ZCCHC24: variants seen among roughly 807,000 people sequenced by gnomAD.
The protein encoded by ZCCHC24 is zinc finger CCHC-type containing 24.
Under a neutral mutation model 26.2 loss-of-function variants are expected in ZCCHC24, and 10 were observed. The observed-to-expected ratio is 0.38, with a 90% confidence interval of 0.24 to 0.65. The LOEUF (loss-of-function observed/expected upper bound fraction) is 0.65, where lower values mean the gene tolerates loss of function less well. ZCCHC24 is among the 30% of genes least tolerant of loss of function. ZCCHC24 has a pLI of 0.54. For synonymous variants in ZCCHC24, 144 were observed against 147.1 expected (o/e 0.98, Z 0.15); for missense variants, 243 against 329.1 (o/e 0.74, Z 2.03).
At chr10:79,413,818 T>C (rs1390597217) in intron 2 of ZCCHC24, among the ~76,000 whole-genome samples, 1 of 150,628 alleles carries the variant, frequency 6.6e-6, no homozygotes, top group African/African-American at 2.4e-5. Context: ...AGGGAGGTGC[T>C]TCGGATGTGA....
intron 2 of ZCCHC24, among the ~76,000 whole-genome samples, chr10:79,394,821 G>A (rs1057402502): frequency 6.6e-6 from 1 of 152,198 alleles, no homozygotes; most frequent in Non-Finnish European, 1.5e-5. Flanking sequence ...GCTTTAAAGG[G>A]TCATTGAAGA....
chr10:79,420,239 A>G (rs898995323), intron 2 of ZCCHC24, among the ~76,000 whole-genome samples: 1 of 152,088 alleles, frequency 6.6e-6, no homozygotes, highest in Non-Finnish European at 1.5e-5. Flanking sequence ...GAGTCCCCCC[A>G]GCACAACCTG....
intron 1 of ZCCHC24, among the ~76,000 whole-genome samples, chr10:79,438,763 A>G (rs2132224054): frequency 6.6e-6 from 1 of 152,194 alleles, no homozygotes. Context: ...GGAAAGGGGG[A>G]GCAGACAGTG....
At chr10:79,396,560 C>A (rs1856549626) in intron 2 of ZCCHC24, among the ~76,000 whole-genome samples, 1 of 152,222 alleles carries the variant, frequency 6.6e-6, no homozygotes, top group Non-Finnish European at 1.5e-5. Context: ...GGCTTAAATG[C>A]AGGCTCTCCA....
chr10:79,424,187 G>C (rs1187305138), intron 2 of ZCCHC24, among the ~76,000 whole-genome samples: 1 of 152,152 alleles, frequency 6.6e-6, no homozygotes, highest in East Asian at 1.9e-4. Context: ...TAGTTCCCTA[G>C]TTCCCACTGA....
Position 79,385,446 on chromosome 10 carries a change from G to A in ZCCHC24, c.*899C>T, listed in dbSNP as rs1249455867. ...GTCCTTGCCCAAGGTGACACAATGC[G>A]TCGGCAGCAGGGCAAAGACTTGAGC... is the stretch of plus-strand genomic sequence containing the variant. On this transcript the variant is annotated 3_prime_UTR_variant, in exon 4 of 4. Transcript: ENST00000372336. This position sits in a 1 kb window ranked among gnomAD's most constrained non-coding sequence, Gnocchi z 4.3. The A allele has an allele frequency of 6.6e-6, 1 of 152,238 alleles. No homozygotes were observed. The highest frequency in any genetic ancestry group is 2.4e-5 in the African/African-American group (1 of 41,458). The allele number at this position is 152,238 out of a possible 1,614,324, so 9.4% of individuals were successfully genotyped here. A position where few individuals can be genotyped will look rare whatever the true frequency, so the allele number is the denominator to read the frequency against.
intron 2 of ZCCHC24, among the ~76,000 whole-genome samples, chr10:79,396,458 A>G (rs1463889203): frequency 1.3e-5 from 2 of 152,216 alleles, no homozygotes; most frequent in Admixed American, 6.5e-5. Flanking sequence ...ATCAGCTTGC[A>G]TGCACGTGCT....
At chr10:79,390,391 A>G (rs1282120400) in intron 3 of ZCCHC24, among the ~76,000 whole-genome samples, 4 of 152,236 alleles carry the variant, frequency 2.6e-5, no homozygotes, top group African/African-American at 9.6e-5. Flanking sequence ...CATAGAGAGC[A>G]TTCAAAATGT....
intron 2 of ZCCHC24, among the ~76,000 whole-genome samples, chr10:79,395,255 A>G (rs561056502): frequency 1.3e-5 from 2 of 152,200 alleles, no homozygotes; most frequent in South Asian, 2.1e-4. Flanking sequence ...TTTTCCCTAC[A>G]TAACTACAAA....
chr10:79,435,505 A>G (rs1857203880), intron 1 of ZCCHC24, among the ~76,000 whole-genome samples: 1 of 152,154 alleles, frequency 6.6e-6, no homozygotes, highest in African/African-American at 2.4e-5. Flanking sequence ...AGGCAGCTCC[A>G]CAGTGAGAGA....
intron 2 of ZCCHC24, among the ~76,000 whole-genome samples, chr10:79,428,469 T>TAAATTTCAGTTTTGCAAGATAA (rs1857075279): frequency 2.9e-5 from 2 of 68,246 alleles, no homozygotes; most frequent in Admixed American, 2.4e-4. Context: ...TTTTGCAAGA[T>TAAATTTCAGTTTTGCAAGATAA]AAATTTCAGT....
At chr10:79,428,167 C>T (rs1443728841) in intron 2 of ZCCHC24, among the ~76,000 whole-genome samples, 2 of 152,130 alleles carry the variant, frequency 1.3e-5, no homozygotes, top group African/African-American at 4.8e-5. Flanking sequence ...TATATACATA[C>T]AATGGAATAT....
intron 2 of ZCCHC24, chr10:79,403,552 G>A (rs923298938): frequency 1.1e-4 from 110 of 985,320 alleles, no homozygotes; most frequent in Non-Finnish European, 1.3e-4. Flanking sequence ...GCTGGGCCGC[G>A]GCCTGCAGGA....
At chr10:79,429,290 G>T (rs1161442610) in intron 2 of ZCCHC24, among the ~76,000 whole-genome samples, 5 of 152,206 alleles carry the variant, frequency 3.3e-5, no homozygotes, top group African/African-American at 1.2e-4. Context: ...ATGATCAAGA[G>T]GTGACATCTG....
intron 2 of ZCCHC24, among the ~76,000 whole-genome samples, chr10:79,404,028 G>A (rs961474142): frequency 2.6e-5 from 4 of 152,086 alleles, no homozygotes; most frequent in African/African-American, 9.7e-5. Context: ...GCCCGTCAGA[G>A]CAGATAAGAG....
intron 2 of ZCCHC24, among the ~76,000 whole-genome samples, chr10:79,427,490 C>G (rs1656516472): frequency 6.6e-6 from 1 of 152,016 alleles, no homozygotes; most frequent in Non-Finnish European, 1.5e-5. Context: ...TATAAAATAT[C>G]TTCTATGACC....
intron 1 of ZCCHC24, 137 bp from the exon 2 acceptor site, chr10:79,432,895 A>G (rs981937322): frequency 3.6e-5 from 34 of 936,828 alleles, no homozygotes; most frequent in Non-Finnish European, 5.3e-5. Context: ...CCTGAGTTCA[A>G]ATCCTAACTA....
intron 2 of ZCCHC24, among the ~76,000 whole-genome samples, chr10:79,420,545 G>A (rs192543265): frequency 5.9e-5 from 9 of 152,314 alleles, no homozygotes; most frequent in African/African-American, 1.7e-4. Context: ...TTGGGAGGCC[G>A]AGGCGGGCAG....
chr10:79,433,959 C>T (rs78724023), intron 1 of ZCCHC24, among the ~76,000 whole-genome samples: 6,442 of 152,340 alleles, frequency 0.042, 425 homozygotes, highest in African/African-American at 0.15. Context: ...TGAAGCAGAT[C>T]CTACTTTGCA....
Sources: gnomAD v4.1 joint callset for allele counts (sites outside exome capture counted in the v4.1 genomes callset) on GRCh38, gnomAD v4.1.1 for gene constraint, Gnocchi (gnomAD v3.1) non-coding constraint, MANE v1.5 for transcripts, NCBI Gene and HGNC (gene_info 2026-07-23, HGNC 2026-07-21) for gene names.